The following NDC80 variants were observed in gnomAD, a reference collection of about 807,000 sequenced individuals.
NDC80 encodes NDC80 kinetochore complex component.
Under a neutral mutation model 89.3 loss-of-function variants are expected in NDC80, and 69 were observed. The ratio of observed to expected loss-of-function variants is 0.77; its 90% CI spans 0.64 to 0.94. The LOEUF is 0.94. NDC80 is among the 40% of genes least tolerant of loss of function. The pLI is 0.00. For missense variants in NDC80, 593 were observed against 739.6 expected (o/e 0.80, Z 2.30); for synonymous variants, 243 against 255.6 (o/e 0.95, Z 0.47).
rs767418685 is a variant in NDC80, at chr18:2,601,461, G to A, written c.1440G>A (p.Met480Ile). Residue 480 changes from methionine (M) to isoleucine (I), a missense_variant, in exon 13 of 17, where the codon ATG becomes ATA. Coordinates refer to ENST00000261597, the MANE Select transcript of NDC80 (RefSeq NM_006101.3). ...TTAATAAAGCCCTAAATAAAAAAAT[G>A]GGTTTGGAGGATACTTTAGAACAAG... ...EEINKALNKKMGLEDTLEQLN... is the reference protein window; with the variant it reads ...EEINKALNKKIGLEDTLEQLN... 13 of 1,499,656 alleles carry A rather than the reference G, an allele frequency of 8.7e-6. No individual in the cohort carries two copies. Among genetic ancestry groups the A allele is most frequent in the South Asian group, 3.8e-5 (3 of 77,984 alleles). The allele number at this position is 1,499,656 out of a possible 1,614,324, so 92.9% of individuals were successfully genotyped here.
chr18:2,591,221 G>C (rs916525904), intron 10 of NDC80, among the ~76,000 whole-genome samples: 1 of 152,154 alleles, frequency 6.6e-6, no homozygotes, highest in African/African-American at 2.4e-5. Flanking sequence ...CTTATGTCTT[G>C]TAAGCTTACT....
Position 2,599,117 on chromosome 18 carries a change from G to A in NDC80, c.1320G>A (p.Lys440=). 1.9e-6 allele frequency: 3 copies of A among 1,613,536 alleles called. No individual in the cohort carries two copies. Among genetic ancestry groups the A allele is most frequent in the Non-Finnish European group, 2.5e-6 (3 of 1,179,736 alleles). The change falls in exon 12 of 17, where the codon AAG becomes AAA. Residue 440 remains lysine (K), a synonymous_variant. Coordinates refer to ENST00000261597, the MANE Select transcript of NDC80 (RefSeq NM_006101.3). ...ENSKGYDFEI[K]FNPEAGANCL... is the part of the protein sequence containing the mutation. ...CCAAAGGTTATGACTTTGAAATTAAGTTTAATCCCGAGGCTGGTGCCAACT... is the reference window on the plus strand; with the variant it reads ...CCAAAGGTTATGACTTTGAAATTAAATTTAATCCCGAGGCTGGTGCCAACT...
intron 10 of NDC80, among the ~76,000 whole-genome samples, chr18:2,592,669 T>C (rs552130068): frequency 3.5e-4 from 54 of 152,266 alleles, no homozygotes; most frequent in Non-Finnish European, 4.4e-4. Context: ...ATAAATTTTA[T>C]AGATATTATA....
rs149269068 is a variant in NDC80, at chr18:2,604,568, G to C, written c.1465-1847G>C. The stretch of plus-strand genomic sequence containing the variant: ...GTAGTGGCATGCACCTGTAGTCCCA[G>C]CTACTCTGGAGGCTGAGGTGGGAGA... On this transcript the variant is annotated intron_variant, in intron 13 of 16. Transcript: ENST00000261597. Among the ~76,000 whole-genome samples the C allele has an allele frequency of 8.8e-3, 1,336 of 152,282 alleles. 12 individuals are homozygous for C. The highest frequency in any genetic ancestry group is 0.051 in the Middle Eastern group (15 of 294).
intron 6 of NDC80, among the ~76,000 whole-genome samples, chr18:2,579,713 C>T (rs2143634483): frequency 6.6e-6 from 1 of 152,312 alleles, no homozygotes; most frequent in South Asian, 2.1e-4. Flanking sequence ...AGGCCTAAGC[C>T]ACCATGACCG....
At chr18:2,582,483 T>C (rs2143637939) in intron 6 of NDC80, 1 of 152,372 alleles carries the variant, frequency 6.6e-6, no homozygotes, top group East Asian at 1.9e-4. Flanking sequence ...TGGTGATTAT[T>C]ACTAAAAGAG....
chr18:2,582,571 T>C (rs2072583887), intron 6 of NDC80: 1 of 152,232 alleles, frequency 6.6e-6, no homozygotes, highest in African/African-American at 2.4e-5. Context: ...CTAACCACTG[T>C]TTTTAAATTA....
chr18:2,589,950 C>T lies in NDC80; in HGVS notation c.871-68C>T, dbSNP rs959054594. On this transcript the variant is annotated intron_variant, in intron 9 of 16. Coordinates refer to ENST00000261597, the MANE Select transcript of NDC80 (RefSeq NM_006101.3). Reference sequence around the variant, plus strand: ...TCTAAAATAAATTTAAATAATATTGCTTTACTTTAAAATAAAATATGGAAT... The same window carrying T: ...TCTAAAATAAATTTAAATAATATTGTTTTACTTTAAAATAAAATATGGAAT... 31 of 1,078,292 alleles carry T rather than the reference C, an allele frequency of 2.9e-5. No homozygotes were observed. The South Asian group carries it at 6.6e-4, about 23-fold the overall frequency. 66.8% of individuals were successfully genotyped at this position (1,078,292 alleles called of 1,614,324 possible). A position where few individuals can be genotyped will look rare whatever the true frequency, so the allele number is the denominator to read the frequency against.
intron 10 of NDC80, among the ~76,000 whole-genome samples, chr18:2,593,040 G>A (rs1268193657): frequency 7.9e-6 from 1 of 126,946 alleles, no homozygotes; most frequent in African/African-American, 3.7e-5. Context: ...GTGTGTGTGT[G>A]TGTGTGTGTG....
intron 1 of NDC80, among the ~76,000 whole-genome samples, chr18:2,572,185 A>T (rs2143624012): frequency 6.6e-6 from 1 of 152,368 alleles, no homozygotes; most frequent in East Asian, 1.9e-4. Flanking sequence ...AATCAAGAAG[A>T]GTCTAATCAG....
intron 13 of NDC80, among the ~76,000 whole-genome samples, chr18:2,605,859 A>G (rs1208284805): frequency 2.6e-5 from 4 of 152,172 alleles, no homozygotes; most frequent in Admixed American, 6.5e-5. Context: ...CAGGAAATGA[A>G]CTTGAAAAAC....
At chr18:2,609,837 T>C (rs542668159) in intron 15 of NDC80, among the ~76,000 whole-genome samples, 186 of 152,360 alleles carry the variant, frequency 1.2e-3, no homozygotes, top group African/African-American at 4.1e-3. Flanking sequence ...TGTATTCTTT[T>C]GCATCTGGAT....
At chr18:2,613,459 G>A (rs2072755889) in intron 16 of NDC80, among the ~76,000 whole-genome samples, 1 of 152,136 alleles carries the variant, frequency 6.6e-6, no homozygotes, top group Non-Finnish European at 1.5e-5. Context: ...GTGATTAAGA[G>A]TACAGAAATA....
At chr18:2,600,802 CT>C (rs981522006) in intron 12 of NDC80, among the ~76,000 whole-genome samples, 2 of 152,252 alleles carry the variant, frequency 1.3e-5, no homozygotes, top group Admixed American at 6.5e-5. Flanking sequence ...GAATTACACG[CT>C]ATAATTTTAT....
At chr18:2,603,762 C>CA (rs2072696602) in intron 13 of NDC80, among the ~76,000 whole-genome samples, 1 of 151,706 alleles carries the variant, frequency 6.6e-6, no homozygotes. Context: ...ATAGAAATCC[C>CA]AAAAAAGTCA....
chr18:2,577,587 T>A (rs1014655519), intron 3 of NDC80, among the ~76,000 whole-genome samples, 159 bp from the exon 4 acceptor site: 5 of 152,244 alleles, frequency 3.3e-5, no homozygotes, highest in African/African-American at 1.2e-4. Flanking sequence ...TACTCTTCGT[T>A]ATTTGCTCCT....
chr18:2,589,236 G>A lies in NDC80; in HGVS notation c.796G>A (p.Glu266Lys). ...ATTTAATGTGGATGCTTTTAAGCTG[G>A]AATCATTAGAAGCAAAAAACAGAGC... ...DLFNVDAFKL[E>K]SLEAKNRALN... Residue 266 changes from glutamate to lysine, a missense_variant, in exon 9 of 17, where the codon GAA becomes AAA. Transcript: ENST00000261597. The A allele has an allele frequency of 3.1e-6, 5 of 1,613,432 alleles. No homozygotes were observed. The highest frequency in any genetic ancestry group is 4.2e-6 in the Non-Finnish European group (5 of 1,179,496).
chr18:2,588,628 A>G (rs1412692362), intron 8 of NDC80, among the ~76,000 whole-genome samples: 1 of 152,220 alleles, frequency 6.6e-6, no homozygotes, highest in Non-Finnish European at 1.5e-5. Context: ...ACAAAAGCTG[A>G]AAGCATTCCC....
chr18:2,584,036 G>A lies in NDC80; in HGVS notation c.580-1077G>A, dbSNP rs115182051. Among the ~76,000 whole-genome samples, 1,040 of 151,736 alleles carry A rather than the reference G, an allele frequency of 6.9e-3. 17 individuals carry two copies. Among genetic ancestry groups the A allele is most frequent in the African/African-American group, 0.024 (983 of 41,360 alleles). On this transcript the variant is annotated intron_variant, in intron 6 of 16. Coordinates refer to ENST00000261597, the MANE Select transcript of NDC80 (RefSeq NM_006101.3). ...CAGTGGCTCATGATGCCTGTTATTC[G>A]CTGCATTTTGGGAGGCCAAGGCGGG...
Sources: gnomAD v4.1 joint callset for allele counts (sites outside exome capture counted in the v4.1 genomes callset) on GRCh38, gnomAD v4.1.1 for gene constraint, MANE v1.5 for transcripts, NCBI Gene and HGNC (gene_info 2026-07-23, HGNC 2026-07-21) for gene names.